The following GDAP2 variants were observed in gnomAD, a reference collection of about 807,000 sequenced individuals.
The protein encoded by GDAP2 is ganglioside induced differentiation associated protein 2, also known as ganglioside-induced differentiation-associated protein 2.
In GDAP2, 51 loss-of-function variants were observed where a neutral mutation model predicts 67.0. The observed-to-expected ratio is 0.76, with a 90% CI of 0.61 to 0.96. GDAP2 has a LOEUF of 0.96. Among genes scored for constraint, GDAP2 ranks in the 40% least tolerant of loss-of-function variants. The pLI is 0.00. For synonymous variants in GDAP2, 203 were observed against 207.3 expected (o/e 0.98, Z 0.18); for missense variants, 547 against 588.3 (o/e 0.93, Z 0.73).
At chr1:117,916,725 G>GGA (rs1650056063) in intron 3 of GDAP2, among the ~76,000 whole-genome samples, 1 of 152,116 alleles carries the variant, frequency 6.6e-6, no homozygotes, top group Non-Finnish European at 1.5e-5. Context: ...TAATCCTAAG[G>GGA]TTCCTTGAAT....
At chr1:117,881,971 T>C (rs575882040) in intron 11 of GDAP2, 94 bp from the exon 12 acceptor site, 12 of 697,042 alleles carry the variant, frequency 1.7e-5, no homozygotes, top group African/African-American at 1.3e-4. Context: ...CCTGAGTATA[T>C]AAATATATTC....
Position 117,870,578 on chromosome 1 carries a change from T to C in GDAP2, c.1485A>G (p.Pro495=). ...GPYYTSYPPS[P]DL ...ACTGAAAGATGGCAGGTCACAAATC[T>C]GGTGATGGGGGATATGATGTATAGT... The change falls in exon 14 of 14, where the codon CCA becomes CCG. Residue 495 remains proline (P), a synonymous_variant. Coordinates refer to ENST00000369443, the MANE Select transcript of GDAP2 (RefSeq NM_017686.4). 1 of 1,604,648 alleles carries C rather than the reference T, an allele frequency of 6.2e-7. No individual in the cohort carries two copies.
At chr1:117,915,316 G>T (rs1341988242) in intron 3 of GDAP2, among the ~76,000 whole-genome samples, 1 of 152,128 alleles carries the variant, frequency 6.6e-6, no homozygotes, top group Non-Finnish European at 1.5e-5. Context: ...AAAATAAGTG[G>T]CCTTGTTCAG....
chr1:117,917,036 GA>G (rs771487535), intron 3 of GDAP2, among the ~76,000 whole-genome samples: 195 of 124,770 alleles, frequency 1.6e-3, no homozygotes, highest in Admixed American at 1.6e-3. Flanking sequence ...TCTGTCTCAG[GA>G]AAAAAAAAAA....
chr1:117,920,654 G>T (rs1183639700), intron 1 of GDAP2, among the ~76,000 whole-genome samples: 1 of 150,674 alleles, frequency 6.6e-6, no homozygotes, highest in African/African-American at 2.5e-5. Flanking sequence ...AAGAATTACA[G>T]CCATTAAAAT....
At chr1:117,877,825 T>C in intron 13 of GDAP2, 184 bp downstream of exon 13, 2 of 1,264,462 alleles carry the variant, frequency 1.6e-6, no homozygotes, top group Non-Finnish European at 2.0e-6. Flanking sequence ...ATGCCTCTCT[T>C]GGGACAAATC....
intron 6 of GDAP2, 150 bp from the exon 7 acceptor site, chr1:117,899,366 A>G (rs1329859977): frequency 1.6e-6 from 1 of 615,532 alleles, no homozygotes; most frequent in Non-Finnish European, 2.9e-6. Context: ...TACTGTCTGA[A>G]ACCCTCAATC....
intron 8 of GDAP2, among the ~76,000 whole-genome samples, chr1:117,896,203 A>T (rs937399000): frequency 6.6e-6 from 1 of 152,124 alleles, no homozygotes; most frequent in Admixed American, 6.5e-5. Flanking sequence ...TCAACCCTAT[A>T]AGGTAATGGA....
intron 10 of GDAP2, among the ~76,000 whole-genome samples, chr1:117,885,719 A>G (rs1002157128): frequency 5.3e-5 from 8 of 152,266 alleles, no homozygotes; most frequent in African/African-American, 1.9e-4. Flanking sequence ...CAACTGGTTT[A>G]TCTTAAATTC....
At chr1:117,923,492 G>A (rs1650331085) in intron 1 of GDAP2, among the ~76,000 whole-genome samples, 1 of 152,124 alleles carries the variant, frequency 6.6e-6, no homozygotes, top group Non-Finnish European at 1.5e-5. Context: ...CTCCATTTGG[G>A]GTCCCTGACT....
In GDAP2 at chr1:117,918,660, C is replaced by A; in HGVS notation, c.253G>T (p.Val85Leu). Reference protein sequence around the residue: ...SNESLTDKNPVSESIFMLAGP... With the variant: ...SNESLTDKNPLSESIFMLAGP... Reference sequence around the variant, plus strand: ...GCAAGCATGAAGATACTTTCTGACACAGGATTCTTATCTGTGAGACTTTCA... The same window carrying A: ...GCAAGCATGAAGATACTTTCTGACAAAGGATTCTTATCTGTGAGACTTTCA... The change falls in exon 3 of 14, where the codon GTG (valine) becomes TTG (leucine). Residue 85 changes from valine (V) to leucine (L), a missense_variant. Coordinates refer to ENST00000369443, the MANE Select transcript of GDAP2 (RefSeq NM_017686.4). 1.2e-6 allele frequency: 2 copies of A among 1,607,236 alleles called. No homozygotes were observed. The highest frequency in any genetic ancestry group is 1.7e-6 in the Non-Finnish European group (2 of 1,173,810).
chr1:117,908,932 T>C (rs1054860648), intron 5 of GDAP2, among the ~76,000 whole-genome samples: 1 of 152,228 alleles, frequency 6.6e-6, no homozygotes, highest in Non-Finnish European at 1.5e-5. Context: ...AATATAATTA[T>C]ATTATTTCCT....
rs923222153 is a variant in GDAP2 at position 117,865,310 on chromosome 1, G to A, written c.*5259C>T. ...TTATTTCACTATTGATTCTTCATAG[G>A]CTATATTTGTATAGAGTGAGACCCT... On this transcript the variant is annotated 3_prime_UTR_variant, in exon 14 of 14. Coordinates refer to ENST00000369443, the MANE Select transcript of GDAP2 (RefSeq NM_017686.4). 6.6e-6 allele frequency: 1 copy of A among 152,120 alleles called. No individual in the cohort carries two copies. Among genetic ancestry groups the A allele is most frequent in the Non-Finnish European group, 1.5e-5 (1 of 68,026 alleles). The allele number at this position is 152,120 out of a possible 1,614,324, so 9.4% of individuals were successfully genotyped here.
At chr1:117,906,694 C>T (rs965080311) in intron 5 of GDAP2, 112 bp from the exon 6 acceptor site, 20 of 638,516 alleles carry the variant, frequency 3.1e-5, no homozygotes, top group Non-Finnish European at 5.2e-5. Context: ...TCACTTCATT[C>T]AGCACTCTGC....
At chr1:117,901,970 C>G (rs1409334517) in intron 6 of GDAP2, among the ~76,000 whole-genome samples, 3 of 152,188 alleles carry the variant, frequency 2.0e-5, no homozygotes, top group African/African-American at 4.8e-5. Flanking sequence ...ACTAGCCAGT[C>G]CTAAACTGTA....
At position 117,899,220 on chromosome 1, in the gene GDAP2, T is replaced by C; in HGVS notation, c.637-4A>G. ...GTAGCAGCTTTTGGTAAGTACCCTG[T>C]GTCAGAAAAGCAAGACATTCTGTGA... On this transcript the variant is annotated splice_region_variant and splice_polypyrimidine_tract_variant and intron_variant, in intron 6 of 13. Coordinates refer to ENST00000369443, the MANE Select transcript of GDAP2 (RefSeq NM_017686.4). 6.2e-7 allele frequency: 1 copy of C among 1,604,950 alleles called. No homozygotes were observed. Among genetic ancestry groups the C allele is most frequent in the Non-Finnish European group, 8.5e-7 (1 of 1,171,760 alleles).
intron 5 of GDAP2, among the ~76,000 whole-genome samples, chr1:117,907,492 G>A (rs144845209): frequency 1.2e-4 from 19 of 152,148 alleles, no homozygotes; most frequent in Non-Finnish European, 7.4e-5. Flanking sequence ...AATCCTGACC[G>A]CCATCTTTTT....
chr1:117,917,909 G>A (rs999536513), intron 3 of GDAP2, among the ~76,000 whole-genome samples: 3 of 151,870 alleles, frequency 2.0e-5, no homozygotes, highest in Non-Finnish European at 2.9e-5. Context: ...GTTCAGTTAC[G>A]GCCATTTCCC....
At chr1:117,928,326 C>T (rs938119570) in intron 1 of GDAP2, among the ~76,000 whole-genome samples, 2 of 152,166 alleles carry the variant, frequency 1.3e-5, no homozygotes, top group Non-Finnish European at 2.9e-5. Context: ...GTTTACGTAA[C>T]TGAAAAATAG....
Sources: gnomAD v4.1 joint callset for allele counts (sites outside exome capture counted in the v4.1 genomes callset) on GRCh38, gnomAD v4.1.1 for gene constraint, MANE v1.5 for transcripts, NCBI Gene and HGNC (gene_info 2026-07-23, HGNC 2026-07-21) for gene names.